Variants in FBN2 observed in about 807,000 individuals in gnomAD.
FBN2 encodes the protein fibrillin 2.
In FBN2, 105 loss-of-function variants were observed where a neutral mutation model predicts 355.6. The observed-to-expected ratio is 0.30, with a 90% CI of 0.25 to 0.35. The LOEUF is 0.35. Ranked by LOEUF, FBN2 falls within the 10% of genes least tolerant of loss-of-function variation. The probability of loss-of-function intolerance (pLI) is 1.00; values close to 1 mark genes in which losing one functional copy is unlikely to be tolerated. For missense variants in FBN2, 3,280 were observed against 3,758.7 expected, an observed-to-expected ratio of 0.87 and a Z score of 3.33; for synonymous variants, 1,350 against 1,301.2, an observed-to-expected ratio of 1.04 and a Z score of -0.81.
At chr5:128,377,985 A>T in intron 12 of FBN2, 108 bp from the exon 13 acceptor site, 1 of 1,176,758 alleles carries the variant, frequency 8.5e-7, no homozygotes, top group Non-Finnish European at 1.2e-6. Flanking sequence ...TTACTTCTTT[A>T]GCAAAATTTC....
At chr5:128,427,258 T>C (rs1294628518) in intron 7 of FBN2, among the ~76,000 whole-genome samples, 1 of 152,144 alleles carries the variant, frequency 6.6e-6, no homozygotes, top group African/African-American at 2.4e-5. Flanking sequence ...TCCAGGCACA[T>C]AGCTAGTCCT....
chr5:128,487,058 C>T (rs753061491), intron 5 of FBN2, among the ~76,000 whole-genome samples: 59 of 152,150 alleles, frequency 3.9e-4, no homozygotes, highest in Non-Finnish European at 6.9e-4. Flanking sequence ...GAAAAATGTA[C>T]GTATCTGCCC....
At chr5:128,434,575 G>A (rs1262211403) in intron 7 of FBN2, among the ~76,000 whole-genome samples, 2 of 150,694 alleles carry the variant, frequency 1.3e-5, no homozygotes, top group African/African-American at 2.4e-5. Context: ...TTTGTGAGAT[G>A]GAGAAAGGTT....
In FBN2 at chr5:128,318,926, A is replaced by T; in HGVS notation, c.4547T>A (p.Ile1516Asn). The change falls in exon 35 of 65, where the codon ATC becomes AAC. Residue 1516 changes from isoleucine to asparagine, a missense_variant. Ile to Asn is a moderately radical substitution (Grantham distance 149). Coordinates refer to ENST00000262464, the MANE Select transcript of FBN2 (RefSeq NM_001999.4). The stretch of plus-strand genomic sequence containing the variant: ...GTCCAATTCATAACCATCATCGCAG[A>T]TGCAATGAAACATTCCAGGCAGGTT... ...CNNLPGMFHCICDDGYELDRT... is the reference protein window; with the variant it reads ...CNNLPGMFHCNCDDGYELDRT... 6.2e-7 allele frequency: 1 copy of T among 1,611,604 alleles called. No homozygotes were observed. The highest frequency in any genetic ancestry group is 8.5e-7 in the Non-Finnish European group (1 of 1,177,856).
At chr5:128,460,040 G>A (rs187036796) in intron 6 of FBN2, among the ~76,000 whole-genome samples, 253 of 152,276 alleles carry the variant, frequency 1.7e-3, no homozygotes, top group African/African-American at 5.9e-3. Flanking sequence ...GTTTGCAGAT[G>A]ACATGATTGT....
intron 6 of FBN2, among the ~76,000 whole-genome samples, chr5:128,448,047 C>G (rs942290399): frequency 3.3e-5 from 5 of 152,308 alleles, no homozygotes; most frequent in Admixed American, 6.5e-5. Context: ...GTGAATGGTA[C>G]AGTGAATGTC....
chr5:128,323,224 C>T (rs1750436639), intron 34 of FBN2, among the ~76,000 whole-genome samples: 1 of 152,172 alleles, frequency 6.6e-6, no homozygotes, highest in Non-Finnish European at 1.5e-5. Context: ...TTGACTTCCT[C>T]TTTTCCTATT....
chr5:128,464,465 G>A (rs985686549), intron 6 of FBN2, among the ~76,000 whole-genome samples: 1 of 152,116 alleles, frequency 6.6e-6, no homozygotes, highest in African/African-American at 2.4e-5. Context: ...TCCTTTGATT[G>A]TATTAAATAT....
intron 5 of FBN2, among the ~76,000 whole-genome samples, chr5:128,508,962 G>T (rs879439223): frequency 6.6e-6 from 1 of 151,890 alleles, no homozygotes; most frequent in Non-Finnish European, 1.5e-5. Context: ...ATAATTTGTT[G>T]TTATTTTTAT....
At chr5:128,392,724 T>C (rs1305473722) in intron 10 of FBN2, among the ~76,000 whole-genome samples, 1 of 152,184 alleles carries the variant, frequency 6.6e-6, no homozygotes, top group African/African-American at 2.4e-5. Flanking sequence ...GAGAAATGGT[T>C]CTGGAAAATA....
chr5:128,472,686 G>A (rs1356692715), intron 5 of FBN2, among the ~76,000 whole-genome samples: 2 of 151,976 alleles, frequency 1.3e-5, no homozygotes, highest in African/African-American at 4.8e-5. Context: ...AGCTACTCGG[G>A]AGGCTGAGGC....
At chr5:128,372,520 C>T (rs2126951927) in intron 15 of FBN2, among the ~76,000 whole-genome samples, 1 of 152,162 alleles carries the variant, frequency 6.6e-6, no homozygotes, top group East Asian at 1.9e-4. Flanking sequence ...GAGACAGGGT[C>T]TCACTCTGTC....
chr5:128,349,622 AC>A, intron 22 of FBN2, 150 bp from the exon 23 acceptor site: 1 of 1,028,176 alleles, frequency 9.7e-7, no homozygotes, highest in Non-Finnish European at 1.5e-6. Flanking sequence ...CAACCGAGCC[AC>A]CCGCTTTCCT....
At chr5:128,310,365 CATATATATATATATATATATATAT>C (rs1178825562) in intron 39 of FBN2, among the ~76,000 whole-genome samples, 2 of 57,240 alleles carry the variant, frequency 3.5e-5, no homozygotes, top group African/African-American at 1.3e-4. Flanking sequence ...TTCCTTGGCA[CATATATATATATATATATATATAT>C]ATATATATAT....
intron 11 of FBN2, among the ~76,000 whole-genome samples, chr5:128,386,168 G>A (rs1013840781): frequency 2.6e-5 from 4 of 152,098 alleles, no homozygotes; most frequent in African/African-American, 9.7e-5. Flanking sequence ...TTATATTTAA[G>A]TCTTTAATCA....
intron 17 of FBN2, among the ~76,000 whole-genome samples, chr5:128,365,557 G>C (rs1751744450): frequency 6.6e-6 from 1 of 151,636 alleles, no homozygotes; most frequent in Non-Finnish European, 1.5e-5. Context: ...TTTCACTCTG[G>C]TTTGGATATT....
At chr5:128,382,609 G>T (rs1752261384) in intron 11 of FBN2, among the ~76,000 whole-genome samples, 1 of 152,028 alleles carries the variant, frequency 6.6e-6, no homozygotes, top group Non-Finnish European at 1.5e-5. Context: ...GTCCAAGAAA[G>T]ACTCAACAAC....
At position 128,278,846 on chromosome 5, in the gene FBN2, A is replaced by G. The variant is rs745856521; in HGVS notation, c.7139-5T>C. 1 of 1,611,532 alleles carries G rather than the reference A, an allele frequency of 6.2e-7. No homozygotes were observed. The highest frequency in any genetic ancestry group is 1.7e-5 in the Admixed American group (1 of 59,970). ...AGCAGAGACCCTGTCGATTGTCTGA[A>G]ATGGCAAAGTAGAAAGAGTTAAGGA... On this transcript the variant is annotated splice_region_variant and splice_polypyrimidine_tract_variant and intron_variant, in intron 56 of 64. Transcript: ENST00000262464.
Position 128,418,981 on chromosome 5 carries a change from T to C in FBN2, c.953-10182A>G, listed in dbSNP as rs570263101. Among the ~76,000 whole-genome samples, 54 of 152,292 alleles carry C rather than the reference T, an allele frequency of 3.5e-4. 1 individual carries two copies. Among genetic ancestry groups the C allele is most frequent in the African/African-American group, 1.3e-3 (53 of 41,584 alleles). ...TATTAAGTTTTTCAATCTGTAAGCATGGTGTATATTTGTTTATTTAGATCA... is the reference window on the plus strand; with the variant it reads ...TATTAAGTTTTTCAATCTGTAAGCACGGTGTATATTTGTTTATTTAGATCA... On this transcript the variant is annotated intron_variant, in intron 7 of 64. Coordinates refer to ENST00000262464, the MANE Select transcript of FBN2 (RefSeq NM_001999.4).
Sources: gnomAD v4.1 joint callset for allele counts (sites outside exome capture counted in the v4.1 genomes callset) on GRCh38, gnomAD v4.1.1 for gene constraint, MANE v1.5 for transcripts, NCBI Gene and HGNC (gene_info 2026-07-23, HGNC 2026-07-21) for gene names.